The following PPP6R3 variants were observed in gnomAD, a reference collection of about 807,000 sequenced individuals.
PPP6R3 encodes the protein serine/threonine-protein phosphatase 6 regulatory subunit 3.
A neutral mutation model predicts 110.7 loss-of-function variants in PPP6R3; 38 were observed. The observed-to-expected ratio is 0.34, with a 90% CI of 0.26 to 0.45. The LOEUF is 0.45. PPP6R3 is among the 20% of genes least tolerant of loss of function. The pLI, the probability that PPP6R3 is intolerant of heterozygous loss-of-function variation, is 1.00. For synonymous variants in PPP6R3, 369 were observed against 373.5 expected (o/e 0.99, Z 0.14); for missense variants, 870 against 1,062.4 (o/e 0.82, Z 2.52).
intron 14 of PPP6R3, among the ~76,000 whole-genome samples, chr11:68,580,721 C>T (rs890440232): frequency 7.1e-6 from 1 of 139,994 alleles, no homozygotes; most frequent in Non-Finnish European, 1.5e-5. Context: ...TTCTGATTAG[C>T]AAGTTTCCCC....
At chr11:68,500,525 C>T (rs972353530) in intron 1 of PPP6R3, among the ~76,000 whole-genome samples, 3 of 152,154 alleles carry the variant, frequency 2.0e-5, no homozygotes, top group Non-Finnish European at 2.9e-5. Flanking sequence ...TTGCCCAAGC[C>T]GGAGTGCAGT....
chr11:68,478,201 G>A lies in PPP6R3; in HGVS notation c.-158+17374G>A, dbSNP rs529816420. Among the ~76,000 whole-genome samples the A allele has an allele frequency of 2.0e-5, 3 of 152,010 alleles. No homozygotes were observed. In the East Asian group the frequency reaches 5.8e-4, roughly 30 times the overall value. On this transcript the variant is annotated intron_variant, in intron 1 of 23. Transcript: ENST00000393800. ...CTGATCTCGTGATACACCTGCCTCA[G>A]CCTTCCAAAGTTCTGGGATTACAGG...
intron 22 of PPP6R3, among the ~76,000 whole-genome samples, chr11:68,607,951 T>G (rs1317160738): frequency 6.6e-6 from 1 of 152,024 alleles, no homozygotes; most frequent in African/African-American, 2.4e-5. Context: ...ATTTTTTTGT[T>G]TGTTTACTTT....
intron 22 of PPP6R3, among the ~76,000 whole-genome samples, chr11:68,606,099 T>G (rs976935995): frequency 6.6e-6 from 1 of 152,074 alleles, no homozygotes; most frequent in Non-Finnish European, 1.5e-5. Context: ...TTTATAATGA[T>G]TAGTTAGGGT....
At chr11:68,529,158 T>C (rs1248215021) in intron 2 of PPP6R3, among the ~76,000 whole-genome samples, 3 of 152,344 alleles carry the variant, frequency 2.0e-5, no homozygotes, top group South Asian at 4.1e-4. Flanking sequence ...TCTGAAAATA[T>C]ATTTTGAATT....
intron 18 of PPP6R3, among the ~76,000 whole-genome samples, chr11:68,592,559 G>A (rs1200480894): frequency 1.3e-5 from 2 of 152,162 alleles, no homozygotes; most frequent in Non-Finnish European, 2.9e-5. Context: ...AGACTCAGCG[G>A]TGGCTTGAGC....
chr11:68,603,884 G>C, intron 22 of PPP6R3, among the ~76,000 whole-genome samples: 1 of 152,112 alleles, frequency 6.6e-6, no homozygotes, highest in East Asian at 1.9e-4. Context: ...GATTATCTCA[G>C]GACATAATGC....
intron 1 of PPP6R3, among the ~76,000 whole-genome samples, chr11:68,464,218 T>C (rs2098729379): frequency 6.6e-6 from 1 of 152,092 alleles, no homozygotes; most frequent in African/African-American, 2.4e-5. Context: ...CTGCAACCTC[T>C]GCCTCCTGGG....
chr11:68,595,977 C>CA (rs774901838), intron 18 of PPP6R3, 120 bp from the exon 19 acceptor site: 210 of 1,294,006 alleles, frequency 1.6e-4, no homozygotes, highest in Admixed American at 3.5e-4. Flanking sequence ...GGTGCTCAGA[C>CA]AGATGTGATC....
intron 2 of PPP6R3, among the ~76,000 whole-genome samples, chr11:68,532,361 G>A (rs1016915907): frequency 1.3e-5 from 2 of 152,196 alleles, no homozygotes; most frequent in African/African-American, 4.8e-5. Flanking sequence ...TGTCATCTGT[G>A]ACATCAAGTA....
intron 2 of PPP6R3, among the ~76,000 whole-genome samples, chr11:68,534,186 C>T (rs1180836151): frequency 6.6e-6 from 1 of 152,048 alleles, no homozygotes; most frequent in East Asian, 1.9e-4. Context: ...CTGGGCAGGG[C>T]GCAAGGGCTG....
At chr11:68,589,784 A>G (rs1474041493) in intron 16 of PPP6R3, among the ~76,000 whole-genome samples, 1 of 152,280 alleles carries the variant, frequency 6.6e-6, no homozygotes, top group East Asian at 1.9e-4. Context: ...ATATTTTTAC[A>G]GCACGCTCTT....
At chr11:68,537,923 G>A (rs750314472) in intron 3 of PPP6R3, 32 bp downstream of exon 3, 3 of 1,498,028 alleles carry the variant, frequency 2.0e-6, no homozygotes, top group Non-Finnish European at 1.8e-6. Context: ...TGTAGAGTGG[G>A]ACTAAAGTGA....
In PPP6R3 at chr11:68,531,307, TTTTATTTATTTATTTA is replaced by T. The variant is rs67798708; in HGVS notation, c.-6-6323_-6-6308del. Reference sequence around the variant, plus strand: ...TATTGAGTCAGAATCTGAGACTGTGTTTTATTTATTTATTTATTTATTTATTTATTTATTTATTTAT... The same window carrying T: ...TATTGAGTCAGAATCTGAGACTGTGTTTTATTTATTTATTTATTTATTTAT... On this transcript the variant is annotated intron_variant, in intron 2 of 23. Transcript: ENST00000393800. Among the ~76,000 whole-genome samples, 702 of 137,010 alleles carry T rather than the reference TTTTATTTATTTATTTA, an allele frequency of 5.1e-3. 4 individuals are homozygous for T. Among genetic ancestry groups the T allele is most frequent in the African/African-American group, 0.017 (642 of 36,894 alleles). The allele number at this position is 137,010 out of a possible 152,430, so 89.9% of individuals were successfully genotyped here.
chr11:68,590,576 T>C, intron 16 of PPP6R3, 84 bp from the exon 17 acceptor site: 1 of 1,378,534 alleles, frequency 7.3e-7, no homozygotes. Flanking sequence ...GTAAATATCT[T>C]AAATTTGGAA....
intron 2 of PPP6R3, among the ~76,000 whole-genome samples, chr11:68,531,310 TATTTATTTA>T (rs1381388012): frequency 7.4e-6 from 1 of 134,968 alleles, no homozygotes; most frequent in Non-Finnish European, 1.6e-5. Flanking sequence ...GACTGTGTTT[TATTTATTTA>T]TTTATTTATT....
Position 68,595,960 on chromosome 11 carries a change from A to G in PPP6R3, c.1917-137A>G, listed in dbSNP as rs367900434. On this transcript the variant is annotated intron_variant, in intron 18 of 23. Coordinates refer to ENST00000393800, the MANE Select transcript of PPP6R3 (RefSeq NM_001164161.2). ...AAGCTGAGTCTTCCCGGGCATCCTG[A>G]CCACGTGGTGCTCAGACAGATGTGA... The G allele has an allele frequency of 1.0e-4, 111 of 1,104,306 alleles. 1 individual carries two copies. In the South Asian group the frequency reaches 1.7e-3, roughly 17 times the overall value. The allele number at this position is 1,104,306 out of a possible 1,614,324, so 68.4% of individuals were successfully genotyped here. A position where few individuals can be genotyped will look rare whatever the true frequency, so the allele number is the denominator to read the frequency against.
chr11:68,609,442 G>A (rs1424318736), intron 22 of PPP6R3: 9 of 808,844 alleles, frequency 1.1e-5, no homozygotes, highest in African/African-American at 1.7e-5. Flanking sequence ...AAAGCAAAGT[G>A]CTTTAACTAA....
chr11:68,511,898 T>A (rs2099112768), intron 1 of PPP6R3, among the ~76,000 whole-genome samples: 3 of 152,194 alleles, frequency 2.0e-5, no homozygotes, highest in Non-Finnish European at 4.4e-5. Flanking sequence ...TGAAGGAATC[T>A]TTCTAGTTTG....
Sources: gnomAD v4.1 joint callset for allele counts (sites outside exome capture counted in the v4.1 genomes callset) on GRCh38, gnomAD v4.1.1 for gene constraint, MANE v1.5 for transcripts, NCBI Gene and HGNC (gene_info 2026-07-23, HGNC 2026-07-21) for gene names.